SLC25A33: variants seen among roughly 807,000 people sequenced by gnomAD.
SLC25A33 encodes solute carrier family 25 member 33.
Under a neutral mutation model 35.5 loss-of-function variants are expected in SLC25A33, and 15 were observed. That is an observed-to-expected ratio of 0.42 (90% CI 0.28 to 0.65). The LOEUF is 0.65. SLC25A33 is among the 30% of genes least tolerant of loss of function. SLC25A33 has a pLI of 0.20. For missense variants in SLC25A33, 257 were observed against 398.5 expected, an observed-to-expected ratio of 0.64 and a Z score of 3.02; for synonymous variants, 136 against 148.7, an observed-to-expected ratio of 0.91 and a Z score of 0.62.
intron 1 of SLC25A33, among the ~76,000 whole-genome samples, chr1:9,550,691 A>C (rs1490078485): frequency 6.6e-6 from 1 of 151,876 alleles, no homozygotes; most frequent in Admixed American, 6.6e-5. Context: ...TTAATTATTG[A>C]GACTGAGTCT....
At chr1:9,565,517 G>GA (rs1260767100) in intron 2 of SLC25A33, among the ~76,000 whole-genome samples, 1,449 of 135,556 alleles carry the variant, frequency 0.011, 21 homozygotes, top group African/African-American at 0.037. Flanking sequence ...CTCTGTCTCA[G>GA]AAAAAAAAAA....
intron 6 of SLC25A33, among the ~76,000 whole-genome samples, chr1:9,581,849 G>C (rs748227658): frequency 2.6e-5 from 4 of 152,094 alleles, no homozygotes; most frequent in Non-Finnish European, 5.9e-5. Flanking sequence ...GTCTCTCTAG[G>C]TTATGTGACT....
chr1:9,576,129 T>A (rs1643658736), intron 5 of SLC25A33, among the ~76,000 whole-genome samples: 1 of 152,240 alleles, frequency 6.6e-6, no homozygotes, highest in African/African-American at 2.4e-5. Flanking sequence ...AAGAATACTT[T>A]AGAACTTTGG....
chr1:9,549,046 A>G (rs1041423249), intron 1 of SLC25A33, among the ~76,000 whole-genome samples: 22 of 152,186 alleles, frequency 1.4e-4, no homozygotes, highest in African/African-American at 5.1e-4. Flanking sequence ...CTTGTAAGGC[A>G]GGGAGACTGG....
At chr1:9,577,290 C>T (rs1643674358) in intron 5 of SLC25A33, among the ~76,000 whole-genome samples, 1 of 151,934 alleles carries the variant, frequency 6.6e-6, no homozygotes, top group African/African-American at 2.4e-5. Context: ...AAACCCTGTC[C>T]TACAAAAATT....
chr1:9,576,623 G>C, intron 5 of SLC25A33: 1 of 592,932 alleles, frequency 1.7e-6, no homozygotes, highest in Non-Finnish European at 3.3e-6. Flanking sequence ...GCTACCGTTC[G>C]AACTGTTGGT....
chr1:9,565,246 G>A (rs1397905214), intron 2 of SLC25A33, among the ~76,000 whole-genome samples: 2 of 152,204 alleles, frequency 1.3e-5, no homozygotes, highest in Non-Finnish European at 2.9e-5. Context: ...TGGTTACAAT[G>A]TGGCTCTCGC....
intron 2 of SLC25A33, among the ~76,000 whole-genome samples, chr1:9,563,931 T>C (rs1214517676): frequency 6.6e-6 from 1 of 152,136 alleles, no homozygotes; most frequent in African/African-American, 2.4e-5. Flanking sequence ...TGTGCTAGGA[T>C]TACAGATGTG....
chr1:9,554,920 A>G (rs895230673), intron 2 of SLC25A33, among the ~76,000 whole-genome samples: 3 of 152,150 alleles, frequency 2.0e-5, no homozygotes, highest in Non-Finnish European at 2.9e-5. Flanking sequence ...GTACTTTGAG[A>G]TGCTCTATAA....
intron 1 of SLC25A33, among the ~76,000 whole-genome samples, chr1:9,548,153 G>C (rs1248622027): frequency 6.6e-6 from 1 of 152,158 alleles, no homozygotes; most frequent in African/African-American, 2.4e-5. Context: ...TGGGATTACA[G>C]GTTTGAGTCT....
At chr1:9,545,134 A>C (rs1420820202) in intron 1 of SLC25A33, among the ~76,000 whole-genome samples, 3 of 152,174 alleles carry the variant, frequency 2.0e-5, no homozygotes, top group Non-Finnish European at 4.4e-5. Context: ...ATAAATACAA[A>C]ACTTCAGTTT....
intron 1 of SLC25A33, among the ~76,000 whole-genome samples, chr1:9,550,337 A>G (rs965895073): frequency 1.3e-5 from 2 of 151,896 alleles, no homozygotes; most frequent in Middle Eastern, 3.2e-3. Flanking sequence ...TCCTTTGATC[A>G]GTGGCATAGA....
intron 2 of SLC25A33, among the ~76,000 whole-genome samples, chr1:9,561,259 A>C (rs1643420645): frequency 6.6e-6 from 1 of 152,000 alleles, no homozygotes; most frequent in Admixed American, 6.6e-5. Flanking sequence ...TTGTTTTTTC[A>C]AGTGCCTTTT....
chr1:9,542,169 A>G (rs1643094713), intron 1 of SLC25A33, among the ~76,000 whole-genome samples: 1 of 152,074 alleles, frequency 6.6e-6, no homozygotes, highest in Admixed American at 6.6e-5. Flanking sequence ...GCCTCTGTTG[A>G]GGCTCACTGT....
At chr1:9,549,304 G>A (rs1185236223) in intron 1 of SLC25A33, among the ~76,000 whole-genome samples, 2 of 151,086 alleles carry the variant, frequency 1.3e-5, no homozygotes, top group Admixed American at 6.6e-5. Context: ...AAAGAGATGT[G>A]GGGATGAACT....
rs1277504537 is a variant in SLC25A33, at chr1:9,568,498, G to GAA, written c.314+1138_314+1139dup. 1.5e-4 allele frequency among the ~76,000 whole-genome samples: 23 copies of GAA among 152,222 alleles called. No individual in the cohort carries two copies. In the South Asian group the frequency reaches 4.1e-3, roughly 27 times the overall value. The stretch of plus-strand genomic sequence containing the variant: ...ACTTCTTCCAGAAAGGACCTCCTGA[G>GAA]AAGGGAACTGGGTGGCAGGGCAGGA... On this transcript the variant is annotated intron_variant, in intron 3 of 6. Coordinates refer to ENST00000302692, the MANE Select transcript of SLC25A33 (RefSeq NM_032315.3).
chr1:9,577,107 C>T (rs1051115940), intron 5 of SLC25A33: 30 of 502,470 alleles, frequency 6.0e-5, no homozygotes, highest in Admixed American at 4.6e-4. Flanking sequence ...CAGGTGGGGG[C>T]GGCAGAGAAG....
At chr1:9,581,729 C>CAA (rs34855299) in intron 6 of SLC25A33, among the ~76,000 whole-genome samples, 32 of 77,442 alleles carry the variant, frequency 4.1e-4, no homozygotes, top group African/African-American at 9.5e-4. Context: ...GACTCTGCCT[C>CAA]AAAAAAAAAA....
At chr1:9,546,285 C>T (rs1034232612) in intron 1 of SLC25A33, among the ~76,000 whole-genome samples, 7 of 149,438 alleles carry the variant, frequency 4.7e-5, no homozygotes, top group African/African-American at 1.2e-4. Flanking sequence ...CCCGGGTTCA[C>T]GCCATTCTCC....
Sources: gnomAD v4.1 joint callset for allele counts (sites outside exome capture counted in the v4.1 genomes callset) on GRCh38, gnomAD v4.1.1 for gene constraint, MANE v1.5 for transcripts, NCBI Gene and HGNC (gene_info 2026-07-23, HGNC 2026-07-21) for gene names.